The following IFT140 variants were observed in gnomAD, a reference collection of about 807,000 sequenced individuals.
IFT140 encodes the protein intraflagellar transport protein 140 homolog.
IFT140 carries 133 observed loss-of-function variants against 164.6 expected under a neutral mutation model. That is an observed-to-expected ratio of 0.81 (90% CI 0.70 to 0.93). IFT140 has a LOEUF of 0.93. IFT140 is among the 40% of genes least tolerant of loss of function. The pLI is 0.00. For missense variants in IFT140, 2,045 were observed against 1,972.3 expected (o/e 1.04, Z -0.70); for synonymous variants, 860 against 817.3 (o/e 1.05, Z -0.89).
At chr16:1,580,971 G>T (rs1361275526) in intron 12 of IFT140, 121 bp from the exon 13 acceptor site, 2 of 683,900 alleles carry the variant, frequency 2.9e-6, no homozygotes, top group Non-Finnish European at 5.2e-6. Context: ...CTTCATAGGG[G>T]TGCACTATCT....
chr16:1,565,263 G>A (rs1277392446), intron 16 of IFT140, among the ~76,000 whole-genome samples: 1 of 152,192 alleles, frequency 6.6e-6, no homozygotes, highest in African/African-American at 2.4e-5. Flanking sequence ...TGGCAGCAGG[G>A]GGAGAGCTGG....
At chr16:1,604,898 G>A (rs1010736339) in intron 3 of IFT140, among the ~76,000 whole-genome samples, 1 of 152,016 alleles carries the variant, frequency 6.6e-6, no homozygotes, top group African/African-American at 2.4e-5. Context: ...CATTGAGATG[G>A]GAGGTGCCCA....
chr16:1,526,667 C>T lies in IFT140; in HGVS notation c.2529G>A (p.Pro843=), dbSNP rs1045253033. 17 of 1,597,520 alleles carry T rather than the reference C, an allele frequency of 1.1e-5. No individual in the cohort carries two copies. The highest frequency in any genetic ancestry group is 4.5e-5 in the East Asian group (2 of 44,378). The change falls in exon 20 of 31, where the codon CCG becomes CCA. Residue 843 remains proline, a synonymous_variant. Coordinates refer to ENST00000426508, the MANE Select transcript of IFT140 (RefSeq NM_014714.4). ...ARALREAEQE[P]ELEARVAVLA... is the part of the protein sequence containing the mutation. ...GCACGGCCACGCGGGCCTCTAGCTC[C>T]GGCTCCTGCTCCGCCTCACGCAGCG...
At chr16:1,611,540 C>T (rs571719888) in intron 1 of IFT140, among the ~76,000 whole-genome samples, 1 of 149,428 alleles carries the variant, frequency 6.7e-6, no homozygotes, top group Non-Finnish European at 1.5e-5. Context: ...TTGAGCCGGG[C>T]GCGGTGGCTC....
At chr16:1,534,110 C>G (rs576595546) in intron 19 of IFT140, 2 of 804,836 alleles carry the variant, frequency 2.5e-6, no homozygotes, top group Non-Finnish European at 1.9e-6. Flanking sequence ...AAGGCCGGGC[C>G]GAGAGGCGGC....
chr16:1,522,010 G>C (rs534059438), intron 26 of IFT140, among the ~76,000 whole-genome samples: 1 of 151,434 alleles, frequency 6.6e-6, no homozygotes, highest in African/African-American at 2.4e-5. Flanking sequence ...ATCACCTGAG[G>C]TCAGGAGTTC....
chr16:1,604,274 C>CGCGTGTGTGTGT (rs552736270), intron 3 of IFT140: 1 of 129,812 alleles, frequency 7.7e-6, no homozygotes, highest in East Asian at 2.3e-4. Context: ...GCTGCAAGGG[C>CGCGTGTGTGTGT]GTGTGTGTGT....
intron 18 of IFT140, 133 bp downstream of exon 18, chr16:1,561,852 T>G: frequency 2.5e-6 from 2 of 793,762 alleles, no homozygotes; most frequent in Non-Finnish European, 1.9e-6. Context: ...TGGCTGATGC[T>G]GTCTACGGAG....
intron 19 of IFT140, chr16:1,534,627 G>T: frequency 2.5e-6 from 4 of 1,590,380 alleles, no homozygotes; most frequent in South Asian, 1.1e-5. Flanking sequence ...TGTTAGGCGC[G>T]GACCTGGTGA....
At chr16:1,561,801 C>T (rs910244840) in intron 18 of IFT140, among the ~76,000 whole-genome samples, 184 bp downstream of exon 18, 6 of 152,124 alleles carry the variant, frequency 3.9e-5, no homozygotes, top group African/African-American at 9.7e-5. Flanking sequence ...CCAGACAGAC[C>T]GCAGTGTTTG....
rs780485191 is a variant in IFT140, at chr16:1,521,917, TAAA to T, written c.3454-1112_3454-1110del. On this transcript the variant is annotated intron_variant, in intron 26 of 30. Transcript: ENST00000426508. Reference sequence around the variant, plus strand: ...TATGAAGTAATAACACATTTATATTTAAAAAAAAAAAAAAAAAGAATATGGCTG... The same window carrying T: ...TATGAAGTAATAACACATTTATATTTAAAAAAAAAAAAAAGAATATGGCTG... Among the ~76,000 whole-genome samples, 1,226 of 131,538 alleles carry T rather than the reference TAAA, an allele frequency of 9.3e-3. 20 individuals are homozygous for T. Among genetic ancestry groups the T allele is most frequent in the African/African-American group, 0.033 (1,163 of 35,606 alleles). 86.3% of individuals were successfully genotyped at this position (131,538 alleles called of 152,430 possible). A position where few individuals can be genotyped will look rare whatever the true frequency, so the allele number is the denominator to read the frequency against.
At position 1,553,062 on chromosome 16, in the gene IFT140, A is replaced by C; in HGVS notation, c.2399+4873T>G. 1.0e-6 allele frequency: 1 copy of C among 985,462 alleles called. No individual in the cohort carries two copies. The highest frequency in any genetic ancestry group is 1.2e-6 in the Non-Finnish European group (1 of 829,938). 61.0% of individuals were successfully genotyped at this position (985,462 alleles called of 1,614,324 possible). A position where few individuals can be genotyped will look rare whatever the true frequency, so the allele number is the denominator to read the frequency against. On this transcript the variant is annotated intron_variant, in intron 19 of 30. Transcript: ENST00000426508. This position sits in a 1 kb window ranked among gnomAD's most constrained non-coding sequence, Gnocchi z 4.4. ...CAGAAACCAGTCACTGTCATTGTTC[A>C]GGACAAAATGGAGATAGATAAATGC...
At chr16:1,511,583 AT>A (rs753875831) in intron 30 of IFT140, among the ~76,000 whole-genome samples, 184 of 144,836 alleles carry the variant, frequency 1.3e-3, no homozygotes, top group Admixed American at 1.2e-3. Context: ...TGGCTTGGGT[AT>A]TTTTTTTTTT....
At chr16:1,549,418 T>C (rs2032451632) in intron 19 of IFT140, among the ~76,000 whole-genome samples, 1 of 152,160 alleles carries the variant, frequency 6.6e-6, no homozygotes, top group African/African-American at 2.4e-5. Context: ...GCACCCCAGG[T>C]GCTTTTCTTT....
chr16:1,573,020 G>A (rs1203733765), intron 13 of IFT140, among the ~76,000 whole-genome samples: 1 of 152,182 alleles, frequency 6.6e-6, no homozygotes, highest in African/African-American at 2.4e-5. Flanking sequence ...AGCTCCAGGA[G>A]AACTTAGTGG....
At chr16:1,583,448 C>A in intron 11 of IFT140, 62 bp from the exon 12 acceptor site, 1 of 1,333,664 alleles carries the variant, frequency 7.5e-7, no homozygotes, top group African/African-American at 1.4e-5. Context: ...ACTGTACACC[C>A]CACTGCACAC....
chr16:1,592,510 T>G lies in IFT140; in HGVS notation c.448A>C (p.Lys150Gln), dbSNP rs747070651. Reference protein sequence around the residue: ...GTPLLKHEYGKHLTHCIFRLP... With the variant: ...GTPLLKHEYGQHLTHCIFRLP... ...CGGAAGATGCAGTGCGTGAGGTGTT[T>G]CCCATACTCGTGTTTCAGCAGAGGC... is the stretch of plus-strand genomic sequence containing the variant. Residue 150 changes from lysine (K) to glutamine (Q), a missense_variant, in exon 5 of 31, where the codon AAA (lysine) becomes CAA (glutamine). By Grantham distance (53) the Lys-to-Gln change is moderately conservative (BLOSUM62 1). Transcript: ENST00000426508. The G allele has an allele frequency of 7.4e-6, 12 of 1,614,110 alleles. No homozygotes were observed. The highest frequency in any genetic ancestry group is 1.0e-5 in the Non-Finnish European group (12 of 1,180,048).
rs572501592 is a variant in IFT140 at position 1,530,138 on chromosome 16, T to C, written c.2400-3342A>G. 9.3e-3 allele frequency among the ~76,000 whole-genome samples: 1,272 copies of C among 137,004 alleles called. 11 individuals carry two copies. The highest frequency in any genetic ancestry group is 0.021 in the Middle Eastern group (6 of 282). The allele number at this position is 137,004 out of a possible 152,430, so 89.9% of individuals were successfully genotyped here. A position where few individuals can be genotyped will look rare whatever the true frequency, so the allele number is the denominator to read the frequency against. On this transcript the variant is annotated intron_variant, in intron 19 of 30. Transcript: ENST00000426508. ...AAAGACTTCACGACGGGAATCTTTT[T>C]TTTTTTTTTTTTTTTTTTTGAGACA... is the stretch of plus-strand genomic sequence containing the variant.
intron 30 of IFT140, 182 bp downstream of exon 30, chr16:1,518,034 C>T (rs2141133784): frequency 1.8e-6 from 1 of 552,494 alleles, no homozygotes; most frequent in Non-Finnish European, 3.2e-6. Flanking sequence ...GATGGGGTTT[C>T]ACCATGTCGC....
Sources: gnomAD v4.1 joint callset for allele counts (sites outside exome capture counted in the v4.1 genomes callset) on GRCh38, gnomAD v4.1.1 for gene constraint, Gnocchi (gnomAD v3.1) non-coding constraint, MANE v1.5 for transcripts, NCBI Gene and HGNC (gene_info 2026-07-23, HGNC 2026-07-21) for gene names.